The following NOL4 variants were observed in gnomAD, a reference collection of about 807,000 sequenced individuals.
NOL4 encodes the protein nucleolar protein 4, also known as cancer/testis antigen 125.
In NOL4, 17 loss-of-function variants were observed where a neutral mutation model predicts 75.9. The ratio of observed to expected loss-of-function variants is 0.22; its 90% CI spans 0.15 to 0.34. NOL4 has a LOEUF of 0.34. Ranked by LOEUF, NOL4 falls within the 10% of genes least tolerant of loss-of-function variation. NOL4 has a pLI of 1.00. For missense variants in NOL4, 614 were observed against 793.5 expected (o/e 0.77, Z 2.72); for synonymous variants, 292 against 289.9 (o/e 1.01, Z -0.07).
intron 9 of NOL4, among the ~76,000 whole-genome samples, chr18:33,887,624 G>A (rs1055673584): frequency 1.3e-5 from 2 of 151,684 alleles, no homozygotes; most frequent in African/African-American, 4.8e-5. Flanking sequence ...TTGTGTCCAT[G>A]TATTCTCATT....
chr18:34,141,239 A>G (rs1339782251), intron 1 of NOL4, among the ~76,000 whole-genome samples: 21 of 152,134 alleles, frequency 1.4e-4, no homozygotes, highest in Non-Finnish European at 2.5e-4. Context: ...AATCAATATC[A>G]TGAAAATGGC....
At chr18:33,974,272 C>T (rs866288230) in intron 6 of NOL4, among the ~76,000 whole-genome samples, 3 of 152,266 alleles carry the variant, frequency 2.0e-5, no homozygotes, top group Admixed American at 6.5e-5. Context: ...CCAGCATTCA[C>T]AGAATTCAAG....
chr18:33,881,151 A>C (rs908339807), intron 10 of NOL4, among the ~76,000 whole-genome samples: 9 of 151,350 alleles, frequency 5.9e-5, no homozygotes, highest in Non-Finnish European at 1.3e-4. Flanking sequence ...TTCACTCATG[A>C]TTTGGCTCTC....
At chr18:34,075,732 C>T (rs970609479) in intron 5 of NOL4, among the ~76,000 whole-genome samples, 13 of 152,198 alleles carry the variant, frequency 8.5e-5, no homozygotes, top group Non-Finnish European at 1.8e-4. Context: ...TTATGTTCCT[C>T]TTCCTCCAAT....
chr18:34,205,714 T>C (rs1370415076), intron 1 of NOL4, among the ~76,000 whole-genome samples: 2 of 152,216 alleles, frequency 1.3e-5, no homozygotes, highest in Admixed American at 6.5e-5. Flanking sequence ...ATATAAGCAG[T>C]TGCCAAGGTG....
At chr18:34,216,518 A>C (rs2036899209) in intron 1 of NOL4, among the ~76,000 whole-genome samples, 1 of 151,906 alleles carries the variant, frequency 6.6e-6, no homozygotes, top group Non-Finnish European at 1.5e-5. Flanking sequence ...AAAACAGATA[A>C]TAAACATTTA....
rs772109711 is a variant in NOL4, at chr18:33,973,403, G to T, written c.1057-14985C>A. 8.5e-4 allele frequency among the ~76,000 whole-genome samples: 129 copies of T among 152,154 alleles called. 1 individual carries two copies. The highest frequency in any genetic ancestry group is 3.2e-3 in the Middle Eastern group (1 of 316). ...TTGAATCTCAAAGTCATTCATGAGG[G>T]TTGGAATCAACTTCTTCCAAACTCC... On this transcript the variant is annotated intron_variant, in intron 6 of 10. Coordinates refer to ENST00000261592, the MANE Select transcript of NOL4 (RefSeq NM_003787.5).
At chr18:34,142,276 T>C (rs2081202416) in intron 1 of NOL4, among the ~76,000 whole-genome samples, 1 of 152,194 alleles carries the variant, frequency 6.6e-6, no homozygotes. Flanking sequence ...AGTGTGGCGA[T>C]TCCTCAAGGA....
Position 34,223,505 on chromosome 18 carries a change from T to G in NOL4, c.-252A>C. 5.3e-6 allele frequency: 3 copies of G among 567,118 alleles called. No homozygotes were observed. Among genetic ancestry groups the G allele is most frequent in the Non-Finnish European group, 3.1e-6 (1 of 320,228 alleles). The allele number at this position is 567,118 out of a possible 1,614,324, so 35.1% of individuals were successfully genotyped here. On this transcript the variant is annotated 5_prime_UTR_variant, in exon 1 of 11. Transcript: ENST00000261592. ...ACGGCTGTCTCGGACGTTTTTCCTG[T>G]TCCCTTAGCGGTCGGTCTCTTTAAT...
At chr18:33,953,129 T>C (rs9966468) in intron 8 of NOL4, among the ~76,000 whole-genome samples, 106,134 of 150,478 alleles carry the variant, frequency 0.71, 37,934 homozygotes, top group African/African-American at 0.8. Flanking sequence ...CTTTAAAATC[T>C]GGAAGCATTT....
intron 8 of NOL4, among the ~76,000 whole-genome samples, chr18:33,946,100 T>C (rs1312496321): frequency 1.3e-5 from 2 of 151,748 alleles, no homozygotes; most frequent in African/African-American, 2.4e-5. Context: ...AAGGTAGACA[T>C]GTACATGAAT....
intron 1 of NOL4, among the ~76,000 whole-genome samples, chr18:34,171,389 A>G (rs2033024752): frequency 6.6e-6 from 1 of 152,164 alleles, no homozygotes; most frequent in Non-Finnish European, 1.5e-5. Flanking sequence ...AAATAATACA[A>G]AAGGAAAAGT....
chr18:34,185,327 G>A (rs1409415784), intron 1 of NOL4, among the ~76,000 whole-genome samples: 2 of 152,100 alleles, frequency 1.3e-5, no homozygotes, highest in Non-Finnish European at 2.9e-5. Context: ...AATAGCCAAA[G>A]GATCGGGATT....
chr18:34,045,784 G>A (rs1359176900), intron 5 of NOL4, among the ~76,000 whole-genome samples: 2 of 152,064 alleles, frequency 1.3e-5, no homozygotes. Flanking sequence ...GCTTAACAAT[G>A]TATCATAGTA....
chr18:34,200,254 G>T (rs2035635660), intron 1 of NOL4, among the ~76,000 whole-genome samples: 1 of 151,770 alleles, frequency 6.6e-6, no homozygotes, highest in African/African-American at 2.4e-5. Context: ...CACTTCATTG[G>T]CTGTTCTTCC....
chr18:34,157,665 G>A (rs1409718283), intron 1 of NOL4, among the ~76,000 whole-genome samples: 1 of 151,880 alleles, frequency 6.6e-6, no homozygotes, highest in Non-Finnish European at 1.5e-5. Context: ...AAGGAAAAGA[G>A]AAAAGTAAAA....
chr18:33,896,664 G>A (rs1453832789), intron 9 of NOL4, among the ~76,000 whole-genome samples: 1 of 152,046 alleles, frequency 6.6e-6, no homozygotes, highest in East Asian at 1.9e-4. Flanking sequence ...AATTATCCAA[G>A]CCTTGGAAGA....
At chr18:34,202,030 A>G (rs1877871821) in intron 1 of NOL4, among the ~76,000 whole-genome samples, 1 of 151,834 alleles carries the variant, frequency 6.6e-6, no homozygotes, top group South Asian at 2.1e-4. Flanking sequence ...TGGAACATTA[A>G]AAATGTTAAA....
intron 10 of NOL4, among the ~76,000 whole-genome samples, chr18:33,868,649 TCACACACACACACACACA>T (rs10669407): frequency 1.5e-5 from 2 of 137,900 alleles, no homozygotes; most frequent in African/African-American, 2.7e-5. Flanking sequence ...TTCCTGTATT[TCACACACACACACACACA>T]CACACACACA....
Sources: gnomAD v4.1 joint callset for allele counts (sites outside exome capture counted in the v4.1 genomes callset) on GRCh38, gnomAD v4.1.1 for gene constraint, MANE v1.5 for transcripts, NCBI Gene and HGNC (gene_info 2026-07-23, HGNC 2026-07-21) for gene names.